The following RNF114 variants were observed in gnomAD, a reference collection of about 807,000 sequenced individuals.
The protein encoded by RNF114 is E3 ubiquitin-protein ligase RNF114.
A neutral mutation model predicts 28.4 loss-of-function variants in RNF114; 6 were observed. The observed-to-expected ratio is 0.21, with a 90% CI of 0.12 to 0.42. The LOEUF (loss-of-function observed/expected upper bound fraction) is 0.42. Ranked by LOEUF, RNF114 falls within the 10% of genes least tolerant of loss-of-function variation. RNF114 has a pLI of 1.00. For synonymous variants in RNF114, 115 were observed against 116.7 expected (o/e 0.99, Z 0.09); for missense variants, 249 against 311.7 (o/e 0.80, Z 1.51).
chr20:49,946,861 G>C (rs569859495), intron 4 of RNF114, among the ~76,000 whole-genome samples: 1 of 151,914 alleles, frequency 6.6e-6, no homozygotes, highest in East Asian at 1.9e-4. Context: ...TTAGGAAAAG[G>C]CTTATCAATC....
chr20:49,938,498 T>A (rs2146852845), intron 1 of RNF114, among the ~76,000 whole-genome samples: 1 of 152,346 alleles, frequency 6.6e-6, no homozygotes, highest in Middle Eastern at 3.4e-3. Flanking sequence ...TCACTGCAAC[T>A]CTGGCTGGGG....
intron 4 of RNF114, among the ~76,000 whole-genome samples, chr20:49,948,317 C>G (rs542826056): frequency 2.4e-4 from 37 of 152,276 alleles, no homozygotes; most frequent in African/African-American, 7.9e-4. Flanking sequence ...TAGGTCTTCT[C>G]TCTCCCTGGC....
intron 4 of RNF114, among the ~76,000 whole-genome samples, chr20:49,947,769 G>GTTTTTTTTTGTTTTGTTTTTTTTTTTT (rs2090338798): frequency 2.0e-5 from 1 of 50,422 alleles, no homozygotes; most frequent in African/African-American, 8.4e-5. Flanking sequence ...CCCTCTGCAA[G>GTTTTTTTTTGTTTTGTTTTTTTTTTTT]TTTTTTTTTT....
intron 1 of RNF114, 109 bp from the exon 2 acceptor site, chr20:49,941,451 CA>C: frequency 1.6e-6 from 2 of 1,217,570 alleles, no homozygotes; most frequent in Non-Finnish European, 2.3e-6. Flanking sequence ...GAGGAGAGAG[CA>C]AGTTGTTTTT....
At chr20:49,940,355 A>G (rs567488850) in intron 1 of RNF114, among the ~76,000 whole-genome samples, 17 of 151,782 alleles carry the variant, frequency 1.1e-4, no homozygotes, top group Admixed American at 8.6e-4. Flanking sequence ...CATCTCACAC[A>G]TGCACATGAA....
At chr20:49,949,091 G>A (rs2090345985) in intron 4 of RNF114, among the ~76,000 whole-genome samples, 157 bp from the exon 5 acceptor site, 1 of 152,138 alleles carries the variant, frequency 6.6e-6, no homozygotes, top group East Asian at 1.9e-4. Context: ...AATTTGCAGT[G>A]TTTTTTTGGG....
In RNF114 at chr20:49,952,555, T is replaced by C; in HGVS notation, c.*414T>C. The C allele has an allele frequency of 3.4e-6, 1 of 296,694 alleles. No individual in the cohort carries two copies. The highest frequency in any genetic ancestry group is 6.3e-6 in the Non-Finnish European group (1 of 159,386). 18.4% of individuals were successfully genotyped at this position (296,694 alleles called of 1,614,324 possible). A position where few individuals can be genotyped will look rare whatever the true frequency, so the allele number is the denominator to read the frequency against. ...TAGCACAATGAAGCAAGTGTCTCCTTTCCTTGTCCCCAAGGTGTGCAGACT... is the reference window on the plus strand; with the variant it reads ...TAGCACAATGAAGCAAGTGTCTCCTCTCCTTGTCCCCAAGGTGTGCAGACT... On this transcript the variant is annotated 3_prime_UTR_variant, in exon 6 of 6. Transcript: ENST00000244061.
chr20:49,938,234 G>A (rs1377498621), intron 1 of RNF114, among the ~76,000 whole-genome samples: 1 of 152,212 alleles, frequency 6.6e-6, no homozygotes. Flanking sequence ...GCTAAATGAA[G>A]AGCAGCAAAA....
intron 2 of RNF114, among the ~76,000 whole-genome samples, chr20:49,942,938 CTATAA>C (rs2090313341): frequency 6.6e-6 from 1 of 152,166 alleles, no homozygotes; most frequent in Non-Finnish European, 1.5e-5. Context: ...TGAGATTATA[CTATAA>C]TATATATATT....
intron 5 of RNF114, among the ~76,000 whole-genome samples, chr20:49,950,884 C>T (rs1300631981): frequency 1.3e-5 from 2 of 152,072 alleles, no homozygotes; most frequent in African/African-American, 4.8e-5. Context: ...TCTCCACCCC[C>T]CATGCCCAAG....
intron 2 of RNF114, 170 bp downstream of exon 2, chr20:49,941,881 T>C: frequency 1.7e-6 from 1 of 586,744 alleles, no homozygotes; most frequent in Non-Finnish European, 2.8e-6. Flanking sequence ...ATAACCTTAC[T>C]GGTTTTTGTT....
At chr20:49,941,289 A>C (rs1446231435) in intron 1 of RNF114, 2 of 342,566 alleles carry the variant, frequency 5.8e-6, no homozygotes, top group Non-Finnish European at 5.3e-6. Context: ...GAGATCCTTC[A>C]GTGGCAGGGC....
intron 1 of RNF114, among the ~76,000 whole-genome samples, chr20:49,937,426 G>C (rs2090291729): frequency 6.6e-6 from 1 of 152,124 alleles, no homozygotes. Context: ...TCTTGGCAGC[G>C]GGCACAGTAG....
intron 4 of RNF114, among the ~76,000 whole-genome samples, chr20:49,948,360 T>G (rs1049510190): frequency 1.3e-5 from 2 of 152,166 alleles, no homozygotes; most frequent in African/African-American, 2.4e-5. Context: ...TCTGGTTGTT[T>G]ACATGTGTTG....
At chr20:49,937,443 C>T (rs1431902915) in intron 1 of RNF114, among the ~76,000 whole-genome samples, 1 of 152,178 alleles carries the variant, frequency 6.6e-6, no homozygotes, top group Non-Finnish European at 1.5e-5. Context: ...GTAGCCATTG[C>T]ACTCCATGGG....
At chr20:49,951,812 G>T (rs1467359495) in intron 5 of RNF114, among the ~76,000 whole-genome samples, 2 of 152,232 alleles carry the variant, frequency 1.3e-5, no homozygotes, top group African/African-American at 4.8e-5. Context: ...CTGGGAGGCA[G>T]AGGTTGCAGT....
chr20:49,952,561 G>T lies in RNF114; in HGVS notation c.*420G>T. ...AATGAAGCAAGTGTCTCCTTTCCTT[G>T]TCCCCAAGGTGTGCAGACTTTGGCA... On this transcript the variant is annotated 3_prime_UTR_variant, in exon 6 of 6. Transcript: ENST00000244061. 1 of 281,234 alleles carries T rather than the reference G, an allele frequency of 3.6e-6. No individual in the cohort carries two copies. Among genetic ancestry groups the T allele is most frequent in the Non-Finnish European group, 6.7e-6 (1 of 149,922 alleles). The allele number at this position is 281,234 out of a possible 1,614,324, so 17.4% of individuals were successfully genotyped here.
chr20:49,944,317 C>T (rs1001515953), intron 2 of RNF114: 1 of 152,146 alleles, frequency 6.6e-6, no homozygotes, highest in Non-Finnish European at 1.5e-5. Context: ...TGATGGCCCA[C>T]CTCAGCCTCC....
intron 1 of RNF114, among the ~76,000 whole-genome samples, chr20:49,940,939 C>G (rs969113889): frequency 6.6e-6 from 1 of 152,002 alleles, no homozygotes; most frequent in South Asian, 2.1e-4. Flanking sequence ...ACGGGTTTCA[C>G]CATGTTGGTA....
Sources: allele counts gnomAD v4.1 joint callset (sites outside exome capture counted in the v4.1 genomes callset), GRCh38; gene constraint gnomAD v4.1.1; transcripts MANE v1.5; gene names NCBI Gene and HGNC (gene_info 2026-07-23, HGNC 2026-07-21).